PCDHGA2: variants seen among roughly 807,000 people sequenced by gnomAD.
PCDHGA2 encodes the protein protocadherin gamma-A2.
PCDHGA2 carries 40 observed loss-of-function variants against 59.2 expected under a neutral mutation model. That is an observed-to-expected ratio of 0.68 (90% CI 0.52 to 0.88). The LOEUF (loss-of-function observed/expected upper bound fraction) is 0.88. Among genes scored for constraint, PCDHGA2 ranks in the 40% least tolerant of loss-of-function variants. PCDHGA2 has a pLI of 0.00. For missense variants in PCDHGA2, 1,226 were observed against 1,204.0 expected, an observed-to-expected ratio of 1.02 and a Z score of -0.27; for synonymous variants, 560 against 526.0, an observed-to-expected ratio of 1.06 and a Z score of -0.89.
At chr5:141,346,557 T>C (rs1285247774) in intron 1 of PCDHGA2, 4 of 1,493,294 alleles carry the variant, frequency 2.7e-6, no homozygotes, top group African/African-American at 1.4e-5. Context: ...GCCATGAGGT[T>C]GTCATTAGTC....
intron 1 of PCDHGA2, among the ~76,000 whole-genome samples, chr5:141,457,224 A>G (rs1176186371): frequency 6.6e-6 from 1 of 152,158 alleles, no homozygotes; most frequent in African/African-American, 2.4e-5. Flanking sequence ...GTGGTAGGTA[A>G]TTTCCATCTA....
chr5:141,452,015 C>T (rs2098730990), intron 1 of PCDHGA2, among the ~76,000 whole-genome samples: 1 of 152,306 alleles, frequency 6.6e-6, no homozygotes, highest in African/African-American at 2.4e-5. Context: ...GTCCAGCCCA[C>T]ACTCTGGGGA....
Position 141,462,050 on chromosome 5 carries a change from C to T in PCDHGA2, c.2425-32757C>T, listed in dbSNP as rs146056741. On this transcript the variant is annotated intron_variant, in intron 1 of 3. Coordinates refer to ENST00000394576, the MANE Select transcript of PCDHGA2 (RefSeq NM_018915.4). ...GTTGGTCAGGCGGGTCTTGAACTCC[C>T]GACCTCAGGTGATCTGCCCGCCTTG... is the stretch of plus-strand genomic sequence containing the variant. 5.5e-3 allele frequency among the ~76,000 whole-genome samples: 830 copies of T among 151,978 alleles called. 23 individuals are homozygous for T. The East Asian group carries it at 0.095, about 17-fold the overall frequency.
intron 2 of PCDHGA2, among the ~76,000 whole-genome samples, chr5:141,496,592 T>G (rs948403662): frequency 6.6e-6 from 1 of 152,136 alleles, no homozygotes; most frequent in African/African-American, 2.4e-5. Context: ...GCAAAGCGCT[T>G]CTTAGAAGGC....
intron 1 of PCDHGA2, chr5:141,351,349 C>T (rs1277588890): frequency 3.7e-6 from 6 of 1,613,326 alleles, no homozygotes; most frequent in Non-Finnish European, 5.1e-6. Context: ...CTGTAATAGC[C>T]CTCATAAAAG....
chr5:141,480,946 G>A (rs1415705408), intron 1 of PCDHGA2, among the ~76,000 whole-genome samples: 1 of 152,172 alleles, frequency 6.6e-6, no homozygotes, highest in Non-Finnish European at 1.5e-5. Context: ...TCTAGAGGCT[G>A]AGGCGGAAGC....
In PCDHGA2 at chr5:141,394,672, G is replaced by A. The variant is rs1407775660; in HGVS notation, c.2424+53277G>A. 4 of 1,612,088 alleles carry A rather than the reference G, an allele frequency of 2.5e-6. No individual in the cohort carries two copies. In the African/African-American group the frequency reaches 5.4e-5, roughly 22 times the overall value. On this transcript the variant is annotated intron_variant, in intron 1 of 3. Transcript: ENST00000394576. Reference sequence around the variant, plus strand: ...AGCGAGCCGGGACTCTTCTCGGTGGGTCTGCACACGGGCGAGGTGCGCACG... The same window carrying A: ...AGCGAGCCGGGACTCTTCTCGGTGGATCTGCACACGGGCGAGGTGCGCACG...
In PCDHGA2 at chr5:141,491,679, T is replaced by G. The variant is rs111288145; in HGVS notation, c.2425-3128T>G. 1 of 1,613,496 alleles carries G rather than the reference T, an allele frequency of 6.2e-7. No individual in the cohort carries two copies. Among genetic ancestry groups the G allele is most frequent in the Non-Finnish European group, 8.5e-7 (1 of 1,179,828 alleles). On this transcript the variant is annotated intron_variant, in intron 1 of 3. Coordinates refer to ENST00000394576, the MANE Select transcript of PCDHGA2 (RefSeq NM_018915.4). The surrounding 1 kb of genome is among the most constrained non-coding windows in gnomAD (Gnocchi z 6.9). ...CTGACGCCATCCGGTCCCGCTCTAA[T>G]ACGCTGCGGGAGCGGAGCCAGGTGA...
In PCDHGA2 at chr5:141,339,785, G is replaced by A; in HGVS notation, c.814G>A (p.Gly272Ser). 1 of 1,614,206 alleles carries A rather than the reference G, an allele frequency of 6.2e-7. No homozygotes were observed. Among genetic ancestry groups the A allele is most frequent in the Non-Finnish European group, 8.5e-7 (1 of 1,180,034 alleles). ...LTVTATDADE[G>S]YYAQVVYFLE... ...GGTGACCGCCACTGACGCAGATGAG[G>A]GCTACTACGCTCAAGTGGTATATTT... Residue 272 changes from glycine to serine, a missense_variant, in exon 1 of 4, where the codon GGC (glycine) becomes AGC (serine). Transcript: ENST00000394576.
At chr5:141,430,980 T>C in intron 1 of PCDHGA2, 1 of 1,613,618 alleles carries the variant, frequency 6.2e-7, no homozygotes, top group African/African-American at 1.3e-5. Context: ...AGGACGCAGC[T>C]TTTCGCCCTG....
At position 141,494,758 on chromosome 5, in the gene PCDHGA2, T is replaced by C. The variant is rs370692038; in HGVS notation, c.2425-49T>C. ...CCATCCCTAGGGGCTCGGGTGACAT[T>C]CTAACTTCTCACGGGTACTCAGCCC... On this transcript the variant is annotated intron_variant, in intron 1 of 3. Transcript: ENST00000394576. The C allele has an allele frequency of 1.3e-5, 21 of 1,613,682 alleles. No homozygotes were observed. The African/African-American group carries it at 2.7e-4, about 21-fold the overall frequency.
intron 1 of PCDHGA2, among the ~76,000 whole-genome samples, chr5:141,444,503 T>C (rs2098438734): frequency 6.6e-6 from 1 of 152,088 alleles, no homozygotes; most frequent in Non-Finnish European, 1.5e-5. Flanking sequence ...AATACTTTGC[T>C]CTAGCAGTAT....
chr5:141,381,826 C>CTTCTTTTTTTT (rs1777532522), intron 1 of PCDHGA2, among the ~76,000 whole-genome samples: 8 of 74,294 alleles, frequency 1.1e-4, no homozygotes, highest in African/African-American at 4.3e-4. Context: ...CTTTCTTCTT[C>CTTCTTTTTTTT]TTTTTTTTTT....
chr5:141,433,259 T>C (rs776486704), intron 1 of PCDHGA2: 3 of 1,380,658 alleles, frequency 2.2e-6, no homozygotes, highest in Non-Finnish European at 3.0e-6. Flanking sequence ...AGCGGTACGA[T>C]CATAGCTCAC....
chr5:141,451,682 G>GA (rs1401536376), intron 1 of PCDHGA2, among the ~76,000 whole-genome samples: 1 of 152,128 alleles, frequency 6.6e-6, no homozygotes, highest in Non-Finnish European at 1.5e-5. Flanking sequence ...AGGAGTTCAA[G>GA]ACCAGCCTGG....
Position 141,491,947 on chromosome 5 carries a change from C to T in PCDHGA2, c.2425-2860C>T. ...GGGGAGGTGGGACCGACCCCCACCCCTACACTCAAAAAAGGCCGGGGCCTC... is the reference window on the plus strand; with the variant it reads ...GGGGAGGTGGGACCGACCCCCACCCTTACACTCAAAAAAGGCCGGGGCCTC... On this transcript the variant is annotated intron_variant, in intron 1 of 3. Coordinates refer to ENST00000394576, the MANE Select transcript of PCDHGA2 (RefSeq NM_018915.4). The surrounding 1 kb of genome is among the most constrained non-coding windows in gnomAD (Gnocchi z 6.9). 1 of 1,114,210 alleles carries T rather than the reference C, an allele frequency of 9.0e-7. No individual in the cohort carries two copies. The highest frequency in any genetic ancestry group is 1.2e-6 in the Non-Finnish European group (1 of 815,758). 69.0% of individuals were successfully genotyped at this position (1,114,210 alleles called of 1,614,324 possible). A position where few individuals can be genotyped will look rare whatever the true frequency, so the allele number is the denominator to read the frequency against.
intron 1 of PCDHGA2, chr5:141,427,043 G>A: frequency 2.2e-6 from 1 of 457,348 alleles, no homozygotes; most frequent in Non-Finnish European, 4.4e-6. Context: ...GAGAGAATGT[G>A]CCCCCAGGCA....
rs757876687 is a variant in PCDHGA2 at position 141,413,273 on chromosome 5, G to A, written c.2424+71878G>A. On this transcript the variant is annotated intron_variant, in intron 1 of 3. Coordinates refer to ENST00000394576, the MANE Select transcript of PCDHGA2 (RefSeq NM_018915.4). The stretch of plus-strand genomic sequence containing the variant: ...GGGATTCCATGGGAGGCTGGAGCCC[G>A]GCAGATCTCCTACTCAATTCCTGAG... 4.3e-6 allele frequency: 7 copies of A among 1,613,920 alleles called. No homozygotes were observed. The highest frequency in any genetic ancestry group is 5.9e-6 in the Non-Finnish European group (7 of 1,179,902).
intron 1 of PCDHGA2, chr5:141,405,082 G>C: frequency 6.2e-7 from 1 of 1,613,794 alleles, no homozygotes; most frequent in East Asian, 2.2e-5. Context: ...TCGTTATCAC[G>C]CTGCTGGCCC....
Sources: gnomAD v4.1 joint callset for allele counts (sites outside exome capture counted in the v4.1 genomes callset) on GRCh38, gnomAD v4.1.1 for gene constraint, Gnocchi (gnomAD v3.1) non-coding constraint, MANE v1.5 for transcripts, NCBI Gene and HGNC (gene_info 2026-07-23, HGNC 2026-07-21) for gene names.